Variants in SPEG observed in about 807,000 individuals in gnomAD.
SPEG encodes the protein striated muscle preferentially expressed protein kinase.
Under a neutral mutation model 300.4 loss-of-function variants are expected in SPEG, and 114 were observed. The ratio of observed to expected loss-of-function variants is 0.38; its 90% confidence interval spans 0.33 to 0.44. The LOEUF is 0.44. Ranked by LOEUF, SPEG falls within the 20% of genes least tolerant of loss-of-function variation. The pLI, the probability that SPEG is intolerant of heterozygous loss-of-function variation, is 1.00. For synonymous variants in SPEG, 1,964 were observed against 2,018.9 expected (o/e 0.97, Z 0.73); for missense variants, 4,201 against 4,586.2 (o/e 0.92, Z 2.43).
rs4399716 is a variant in SPEG, at chr2:219,465,894, C to T, written c.2882-1280C>T. The T allele has an allele frequency of 0.42, 274,206 of 655,622 alleles. 57,922 individuals are homozygous for T. Among genetic ancestry groups the T allele is most frequent in the South Asian group, 0.44 (25,002 of 56,518 alleles). 40.6% of individuals were successfully genotyped at this position (655,622 alleles called of 1,614,324 possible). On this transcript the variant is annotated intron_variant, in intron 9 of 40. Transcript: ENST00000312358. ...GTGTGTGCGTGCGTGTGCATGTGTG[C>T]GTATGGGTGTGTGCATGCGTGTGTG...
At position 219,473,254 on chromosome 2, in the gene SPEG, C is replaced by T; in HGVS notation, c.4147+158C>T. On this transcript the variant is annotated intron_variant, in intron 16 of 40. Coordinates refer to ENST00000312358, the MANE Select transcript of SPEG (RefSeq NM_005876.5). This position sits in a 1 kb window ranked among gnomAD's most constrained non-coding sequence, Gnocchi z 4.6. ...CCCATCTGTACACTTCCTTCTCCCTCCTGAAAGCAGCAGGGCACGGTGGCT... is the reference window on the plus strand; with the variant it reads ...CCCATCTGTACACTTCCTTCTCCCTTCTGAAAGCAGCAGGGCACGGTGGCT... 1.2e-6 allele frequency: 1 copy of T among 801,352 alleles called. No homozygotes were observed. Among genetic ancestry groups the T allele is most frequent in the Non-Finnish European group, 1.9e-6 (1 of 513,404 alleles). 49.6% of individuals were successfully genotyped at this position (801,352 alleles called of 1,614,324 possible). A position where few individuals can be genotyped will look rare whatever the true frequency, so the allele number is the denominator to read the frequency against.
At chr2:219,476,848 C>G (rs770061539) in intron 18 of SPEG, 22 bp from the exon 19 acceptor site, 5 of 1,594,028 alleles carry the variant, frequency 3.1e-6, no homozygotes, top group Admixed American at 3.3e-5. Flanking sequence ...TCTCTTCCCA[C>G]CCCTATCCCC....
intron 15 of SPEG, 50 bp from the exon 16 acceptor site, chr2:219,472,839 AG>A: frequency 6.8e-7 from 1 of 1,475,314 alleles, no homozygotes; most frequent in Non-Finnish European, 9.2e-7. Flanking sequence ...CTGGATGGGG[AG>A]GGGTTACTGC....
chr2:219,483,193 A>T lies in SPEG; in HGVS notation c.5730A>T (p.Arg1910Ser). Reference protein sequence around the residue: ...PPERVWVTMPRRPPPSGGLSS... With the variant: ...PPERVWVTMPSRPPPSGGLSS... ...AGCGGGTGTGGGTGACCATGCCCAGAAGGCCACCCCCCAGTGGGGGGCTCT... is the reference window on the plus strand; with the variant it reads ...AGCGGGTGTGGGTGACCATGCCCAGTAGGCCACCCCCCAGTGGGGGGCTCT... The change falls in exon 30 of 41, where the codon AGA becomes AGT. Residue 1910 changes from arginine to serine, a missense_variant. Around this residue, in one of 4 missense-constraint regions of SPEG, gnomAD observed 1,578 missense variants for 1,506.0 expected, o/e 1.05. Coordinates refer to ENST00000312358, the MANE Select transcript of SPEG (RefSeq NM_005876.5). The T allele has an allele frequency of 6.2e-7, 1 of 1,610,042 alleles. No homozygotes were observed.
chr2:219,481,664 A>G lies in SPEG; in HGVS notation c.5549A>G (p.Glu1850Gly). ...AGACCTACCGCAGAAGAGACCCTAG[A>G]ACATCCTTGGTTCAAAGTGAGTCTA... ...RLRPTAEETL[E>G]HPWFKTQAKG... is the part of the protein sequence containing the mutation. The change falls in exon 28 of 41, where the codon GAA becomes GGA. Residue 1850 changes from glutamate (E) to glycine (G), a missense_variant. Transcript: ENST00000312358. This position sits in a 1 kb window ranked among gnomAD's most constrained non-coding sequence, Gnocchi z 5.4. 6.2e-7 allele frequency: 1 copy of G among 1,614,200 alleles called. No homozygotes were observed. Among genetic ancestry groups the G allele is most frequent in the Non-Finnish European group, 8.5e-7 (1 of 1,180,022 alleles).
At position 219,464,723 on chromosome 2, in the gene SPEG, G is replaced by A. The variant is rs1299619321; in HGVS notation, c.2881+115G>A. On this transcript the variant is annotated intron_variant, in intron 9 of 40. Transcript: ENST00000312358. This position sits in a 1 kb window ranked among gnomAD's most constrained non-coding sequence, Gnocchi z 4.5. ...TGCCACCACTGAAAGGGCCTTAAGGGGCCCCTAGTCCAGCTGCTTATATTA... is the reference window on the plus strand; with the variant it reads ...TGCCACCACTGAAAGGGCCTTAAGGAGCCCCTAGTCCAGCTGCTTATATTA... 2.6e-5 allele frequency: 27 copies of A among 1,052,882 alleles called. No homozygotes were observed. In the East Asian group the frequency reaches 5.8e-4, roughly 23 times the overall value. The allele number at this position is 1,052,882 out of a possible 1,614,324, so 65.2% of individuals were successfully genotyped here.
intron 28 of SPEG, among the ~76,000 whole-genome samples, chr2:219,482,573 G>T (rs982147416): frequency 9.2e-5 from 14 of 152,140 alleles, no homozygotes; most frequent in African/African-American, 3.1e-4. Context: ...TCCCCTGGGG[G>T]GTTCAGGGGA....
Position 219,478,117 on chromosome 2 carries a change from C to T in SPEG, c.5027+12C>T, listed in dbSNP as rs1692517351. 5.6e-6 allele frequency: 9 copies of T among 1,611,214 alleles called. No individual in the cohort carries two copies. The highest frequency in any genetic ancestry group is 7.6e-6 in the Non-Finnish European group (9 of 1,177,690). On this transcript the variant is annotated intron_variant, in intron 22 of 40. Coordinates refer to ENST00000312358, the MANE Select transcript of SPEG (RefSeq NM_005876.5). ...ATTGTCACCGAGCTGTATCCTGGGA[C>T]AGGCTGGGGGCTAGGGGGATCCATG...
In SPEG at chr2:219,461,888, C is replaced by A; in HGVS notation, c.2447C>A (p.Ser816Tyr). 1 of 1,613,898 alleles carries A rather than the reference C, an allele frequency of 6.2e-7. No homozygotes were observed. Among genetic ancestry groups the A allele is most frequent in the Non-Finnish European group, 8.5e-7 (1 of 1,179,884 alleles). Residue 816 changes from serine to tyrosine, a missense_variant, in exon 7 of 41, where the codon TCT (serine) becomes TAT (tyrosine). Physicochemically the swap from Ser to Tyr is moderately radical, Grantham distance 144. Transcript: ENST00000312358. ...AASLTVRPGG[S>Y]TSPFSSPITS... is the part of the protein sequence containing the mutation. ...TATCTCTGTCTCTCTCCAGGTGGGT[C>A]TACATCCCCTTTCAGCAGCCCCATC...
intron 6 of SPEG, 38 bp from the exon 7 acceptor site, chr2:219,461,844 C>T (rs771748851): frequency 2.3e-5 from 37 of 1,596,898 alleles, no homozygotes; most frequent in African/African-American, 9.4e-5. Flanking sequence ...GCTCTCTGCT[C>T]GCCTTCCTCC....
At position 219,473,251 on chromosome 2, in the gene SPEG, C is replaced by A; in HGVS notation, c.4147+155C>A. 1 of 810,354 alleles carries A rather than the reference C, an allele frequency of 1.2e-6. No homozygotes were observed. The highest frequency in any genetic ancestry group is 1.9e-6 in the Non-Finnish European group (1 of 521,428). The allele number at this position is 810,354 out of a possible 1,614,324, so 50.2% of individuals were successfully genotyped here. On this transcript the variant is annotated intron_variant, in intron 16 of 40. Transcript: ENST00000312358. The surrounding 1 kb of genome is among the most constrained non-coding windows in gnomAD (Gnocchi z 4.6). ...TGGCCCATCTGTACACTTCCTTCTC[C>A]CTCCTGAAAGCAGCAGGGCACGGTG... is the stretch of plus-strand genomic sequence containing the variant.
rs2125612492 is a variant in SPEG, at chr2:219,493,047, GA to G, written c.*263del. ...GGGAACAGGCAGAGGGACAAGAGGG[GA>G]ATGGAGAAGTGGAGAGGAAAAGGAA... On this transcript the variant is annotated 3_prime_UTR_variant, in exon 41 of 41. Coordinates refer to ENST00000312358, the MANE Select transcript of SPEG (RefSeq NM_005876.5). The G allele has an allele frequency of 1.5e-6, 1 of 689,612 alleles. No homozygotes were observed. Among genetic ancestry groups the G allele is most frequent in the African/African-American group, 1.8e-5 (1 of 57,128 alleles). The allele number at this position is 689,612 out of a possible 1,614,324, so 42.7% of individuals were successfully genotyped here.
intron 13 of SPEG, 55 bp downstream of exon 13, chr2:219,469,434 CA>C: frequency 7.3e-7 from 1 of 1,372,640 alleles, no homozygotes; most frequent in Non-Finnish European, 1.0e-6. Flanking sequence ...ACTTGGCTTG[CA>C]ATGCCCTGCC....
In SPEG at chr2:219,452,119, G is replaced by A. The variant is rs550454329; in HGVS notation, c.2440+312G>A. On this transcript the variant is annotated intron_variant, in intron 6 of 40. Coordinates refer to ENST00000312358, the MANE Select transcript of SPEG (RefSeq NM_005876.5). ...GCATTTCCCTGAACAGGGTCCTGTG[G>A]GGAAAGCAAATTGTCCTTGAGTTTC... Among the ~76,000 whole-genome samples, 7 of 152,288 alleles carry A rather than the reference G, an allele frequency of 4.6e-5. No homozygotes were observed. In the South Asian group the frequency reaches 1.5e-3, roughly 32 times the overall value.
chr2:219,442,562 A>C (rs939277540), intron 1 of SPEG, among the ~76,000 whole-genome samples: 1 of 149,966 alleles, frequency 6.7e-6, no homozygotes, highest in Non-Finnish European at 1.5e-5. Flanking sequence ...TCCTCCGCGC[A>C]CCTGGGCCTC....
At chr2:219,450,839 C>A in intron 4 of SPEG, 1 of 269,048 alleles carries the variant, frequency 3.7e-6, no homozygotes, top group South Asian at 1.1e-4. Context: ...AAGACATACA[C>A]AGTGCAGTCC....
In SPEG at chr2:219,481,506, A is replaced by C. The variant is rs1575162661; in HGVS notation, c.5522+50A>C. The C allele has an allele frequency of 1.2e-6, 2 of 1,607,132 alleles. No homozygotes were observed. The highest frequency in any genetic ancestry group is 1.7e-6 in the Non-Finnish European group (2 of 1,175,268). On this transcript the variant is annotated intron_variant, in intron 27 of 40. Coordinates refer to ENST00000312358, the MANE Select transcript of SPEG (RefSeq NM_005876.5). The surrounding 1 kb of genome is among the most constrained non-coding windows in gnomAD (Gnocchi z 5.4). ...CCACCTGCAGGGTCACCCTCATACC[A>C]CCTGCCTGCTACTCCCAAACTCCTG...
At chr2:219,474,170 G>A (rs117901701) in intron 18 of SPEG, 3 of 345,470 alleles carry the variant, frequency 8.7e-6, no homozygotes, top group South Asian at 1.3e-4. Context: ...CTGAGGTCAG[G>A]AGTTCGTGAC....
chr2:219,482,944 T>G, intron 29 of SPEG, 92 bp downstream of exon 29: 1 of 1,435,826 alleles, frequency 7.0e-7, no homozygotes, highest in Non-Finnish European at 9.7e-7. Context: ...CTCCTGCTCC[T>G]GTCTTCTCGC....
Sources: allele counts gnomAD v4.1 joint callset (sites outside exome capture counted in the v4.1 genomes callset), GRCh38; gene constraint gnomAD v4.1.1; regional missense constraint gnomAD v4.1.1; non-coding constraint Gnocchi (gnomAD v3.1); transcripts MANE v1.5; gene names NCBI Gene and HGNC (gene_info 2026-07-23, HGNC 2026-07-21).